Variants in BTBD8 observed in about 807,000 individuals in gnomAD.
BTBD8 encodes the protein BTB/POZ domain-containing protein 8.
Under a neutral mutation model 162.9 loss-of-function variants are expected in BTBD8, and 110 were observed. The observed-to-expected ratio is 0.68, with a 90% confidence interval of 0.58 to 0.79. The LOEUF (loss-of-function observed/expected upper bound fraction) is 0.79, where lower values mean the gene tolerates loss of function less well. Among genes scored for constraint, BTBD8 ranks in the 30% least tolerant of loss-of-function variants. The pLI is 0.00. For synonymous variants in BTBD8, 667 were observed against 716.1 expected (o/e 0.93, Z 1.10); for missense variants, 1,905 against 2,085.4 (o/e 0.91, Z 1.68).
chr1:92,144,253 A>C (rs1451106504), intron 7 of BTBD8, among the ~76,000 whole-genome samples: 1 of 151,682 alleles, frequency 6.6e-6, no homozygotes, highest in African/African-American at 2.4e-5. Context: ...AGATTACAGG[A>C]GTGAGCCACT....
chr1:92,181,549 G>A lies in BTBD8; in HGVS notation c.3866G>A (p.Gly1289Asp). The A allele has an allele frequency of 6.4e-7, 1 of 1,551,630 alleles. No homozygotes were observed. The highest frequency in any genetic ancestry group is 2.4e-5 in the East Asian group (1 of 40,916). Reference sequence around the variant, plus strand: ...AATGACAGAGGTATCTCTAAATGTGGCACTATGCTGTGCCATGATTTTCTT... The same window carrying A: ...AATGACAGAGGTATCTCTAAATGTGACACTATGCTGTGCCATGATTTTCTT... Reference protein sequence around the residue: ...GSNDRGISKCGTMLCHDFLGR... With the variant: ...GSNDRGISKCDTMLCHDFLGR... The change falls in exon 17 of 18, where the codon GGC becomes GAC. Residue 1289 changes from glycine (G) to aspartate (D), a missense_variant. Transcript: ENST00000636805.
intron 9 of BTBD8, among the ~76,000 whole-genome samples, chr1:92,156,890 G>C (rs1002509994): frequency 1.3e-5 from 2 of 150,280 alleles, no homozygotes; most frequent in Admixed American, 1.3e-4. Flanking sequence ...AAGCAACTCA[G>C]TTTTGTTATT....
Position 92,149,631 on chromosome 1 carries a change from G to A in BTBD8, c.1122+1845G>A, listed in dbSNP as rs1355312361. On this transcript the variant is annotated intron_variant, in intron 9 of 17. Coordinates refer to ENST00000636805, the MANE Select transcript of BTBD8 (RefSeq NM_001376131.1). ...ATTTTGTGTGAAATTTGGAGGATGG[G>A]AGTGAAACAGCAGCTATTTTTGGCT... Among the ~76,000 whole-genome samples, 3 of 152,322 alleles carry A rather than the reference G, an allele frequency of 2.0e-5. No individual in the cohort carries two copies. The East Asian group carries it at 5.8e-4, about 29-fold the overall frequency.
At chr1:92,156,726 G>A (rs1042677439) in intron 9 of BTBD8, among the ~76,000 whole-genome samples, 1 of 151,970 alleles carries the variant, frequency 6.6e-6, no homozygotes, top group South Asian at 2.1e-4. Context: ...TTATTGGCTT[G>A]TAATTGTTTA....
At chr1:92,097,748 A>G (rs1019500647) in intron 2 of BTBD8, among the ~76,000 whole-genome samples, 1 of 152,192 alleles carries the variant, frequency 6.6e-6, no homozygotes, top group Non-Finnish European at 1.5e-5. Context: ...ATTTTATTAT[A>G]TGATAAATCA....
At chr1:92,100,889 G>A (rs1335421109) in intron 2 of BTBD8, among the ~76,000 whole-genome samples, 2 of 152,176 alleles carry the variant, frequency 1.3e-5, no homozygotes, top group South Asian at 2.1e-4. Flanking sequence ...GATTATGGGC[G>A]TGAGCCACCG....
At chr1:92,165,505 T>TA (rs772757478) in intron 9 of BTBD8, among the ~76,000 whole-genome samples, 7,926 of 139,382 alleles carry the variant, frequency 0.057, 642 homozygotes, top group African/African-American at 0.18. Flanking sequence ...CTTCTGGACC[T>TA]AAAAAAAAAA....
chr1:92,139,932 CAAAAAAA>C (rs748883480), intron 6 of BTBD8: 33 of 18,216 alleles, frequency 1.8e-3, no homozygotes, highest in African/African-American at 4.6e-3. Context: ...ACTAAAAATA[CAAAAAAA>C]AAAAAAAAAA....
At chr1:92,119,971 GC>G (rs1649153852) in intron 4 of BTBD8, among the ~76,000 whole-genome samples, 2 of 135,410 alleles carry the variant, frequency 1.5e-5, no homozygotes, top group Non-Finnish European at 3.0e-5. Flanking sequence ...CGCTATCTTG[GC>G]TCGCTGCAAC....
At chr1:92,130,555 CACACACACACACATAT>C in intron 5 of BTBD8, among the ~76,000 whole-genome samples, 1 of 145,564 alleles carries the variant, frequency 6.9e-6, no homozygotes, top group Non-Finnish European at 1.5e-5. Flanking sequence ...CACACACACA[CACACACACACACATAT>C]ACGCACACAC....
intron 1 of BTBD8, among the ~76,000 whole-genome samples, chr1:92,081,659 C>T (rs1397528675): frequency 6.6e-6 from 1 of 152,174 alleles, no homozygotes; most frequent in Non-Finnish European, 1.5e-5. Context: ...CTGCAACCTC[C>T]ACCTCCCGGG....
Position 92,167,999 on chromosome 1 carries a change from T to C in BTBD8, c.1443+14T>C. 6.6e-7 allele frequency: 1 copy of C among 1,522,052 alleles called. No individual in the cohort carries two copies. Among genetic ancestry groups the C allele is most frequent in the Non-Finnish European group, 8.8e-7 (1 of 1,131,694 alleles). The allele number at this position is 1,522,052 out of a possible 1,614,324, so 94.3% of individuals were successfully genotyped here. A position where few individuals can be genotyped will look rare whatever the true frequency, so the allele number is the denominator to read the frequency against. On this transcript the variant is annotated intron_variant, in intron 11 of 17. Transcript: ENST00000636805. ...ACAAAGGAAATGGTACTGAATGTAA[T>C]GAAATTTATTAAAATAATGCAATAT... is the stretch of plus-strand genomic sequence containing the variant.
intron 4 of BTBD8, chr1:92,115,691 C>A: frequency 3.2e-6 from 1 of 312,260 alleles, no homozygotes; most frequent in South Asian, 3.5e-5. Context: ...TAGTTGAGGT[C>A]AGTGAAGGGG....
At chr1:92,099,536 ATG>A (rs1199421035) in intron 2 of BTBD8, among the ~76,000 whole-genome samples, 1 of 152,052 alleles carries the variant, frequency 6.6e-6, no homozygotes, top group Non-Finnish European at 1.5e-5. Context: ...TGAACACGAG[ATG>A]TGTTTCCATT....
intron 12 of BTBD8, among the ~76,000 whole-genome samples, chr1:92,170,964 T>A (rs894649311): frequency 6.6e-6 from 1 of 152,010 alleles, no homozygotes; most frequent in Non-Finnish European, 1.5e-5. Flanking sequence ...ATATTTTTAA[T>A]TTCAAGAGTA....
intron 4 of BTBD8, among the ~76,000 whole-genome samples, chr1:92,118,547 C>T (rs1236258723): frequency 6.6e-6 from 1 of 151,908 alleles, no homozygotes; most frequent in Non-Finnish European, 1.5e-5. Flanking sequence ...AGTTACTCCT[C>T]TCCTCACTTC....
chr1:92,165,655 G>A (rs1306649620), intron 9 of BTBD8, among the ~76,000 whole-genome samples: 1 of 152,156 alleles, frequency 6.6e-6, no homozygotes, highest in African/African-American at 2.4e-5. Flanking sequence ...AATTCTGTGA[G>A]TTCACTGGGT....
At chr1:92,148,010 G>T (rs960274877) in intron 9 of BTBD8, among the ~76,000 whole-genome samples, 5 of 152,170 alleles carry the variant, frequency 3.3e-5, no homozygotes, top group Non-Finnish European at 7.4e-5. Flanking sequence ...ACTAGGATGT[G>T]TATATTGATT....
At chr1:92,128,184 T>A (rs1649409698) in intron 4 of BTBD8, among the ~76,000 whole-genome samples, 4 of 152,022 alleles carry the variant, frequency 2.6e-5, no homozygotes. Context: ...TGGTGCGATC[T>A]CGGCTCACTG....
Sources: gnomAD v4.1 joint callset for allele counts (sites outside exome capture counted in the v4.1 genomes callset) on GRCh38, gnomAD v4.1.1 for gene constraint, MANE v1.5 for transcripts, NCBI Gene and HGNC (gene_info 2026-07-23, HGNC 2026-07-21) for gene names.